The following CPPED1 variants were observed in gnomAD, a reference collection of about 807,000 sequenced individuals.
CPPED1 encodes calcineurin like phosphoesterase domain containing 1.
In CPPED1, 28 loss-of-function variants were observed where a neutral mutation model predicts 28.0. That is an observed-to-expected ratio of 1.00 (90% CI 0.74 to 1.37). The LOEUF (loss-of-function observed/expected upper bound fraction) is 1.37, where lower values mean the gene tolerates loss of function less well. CPPED1 is among the 40% of genes most tolerant of loss of function. The probability of loss-of-function intolerance (pLI) is 0.00; values close to 1 mark genes in which losing one functional copy is unlikely to be tolerated. For missense variants in CPPED1, 504 were observed against 416.5 expected, an observed-to-expected ratio of 1.21 and a Z score of -1.83; for synonymous variants, 198 against 180.2, an observed-to-expected ratio of 1.10 and a Z score of -0.79.
Position 12,760,178 on chromosome 16 carries a change from T to C in CPPED1, c.289+21007A>G, listed in dbSNP as rs1239590609. Among the ~76,000 whole-genome samples the C allele has an allele frequency of 2.6e-5, 4 of 152,316 alleles. No individual in the cohort carries two copies. In the South Asian group the frequency reaches 6.2e-4, roughly 24 times the overall value. On this transcript the variant is annotated intron_variant, in intron 2 of 3. Transcript: ENST00000381774. Reference sequence around the variant, plus strand: ...AATAAAGTGATGTGTAGCACTGTATTGGGTACAGGTAATCTATAGATGATT... The same window carrying C: ...AATAAAGTGATGTGTAGCACTGTATCGGGTACAGGTAATCTATAGATGATT...
At chr16:12,696,438 CTTTTTTT>C (rs1180336228) in intron 3 of CPPED1, among the ~76,000 whole-genome samples, 15 of 120,736 alleles carry the variant, frequency 1.2e-4, no homozygotes, top group African/African-American at 1.7e-4. Flanking sequence ...AAGTGACTTT[CTTTTTTT>C]TTTTTTTTTT....
intron 1 of CPPED1, among the ~76,000 whole-genome samples, chr16:12,793,824 T>C (rs1021468427): frequency 1.3e-5 from 2 of 152,328 alleles, no homozygotes; most frequent in South Asian, 2.1e-4. Flanking sequence ...GGTCTTAACA[T>C]CTTTTCCTTT....
chr16:12,713,887 T>C (rs760294121), intron 2 of CPPED1, among the ~76,000 whole-genome samples: 7 of 152,124 alleles, frequency 4.6e-5, no homozygotes, highest in Non-Finnish European at 8.8e-5. Flanking sequence ...TGTGGGACAT[T>C]CTCACCACCC....
chr16:12,692,221 C>T (rs1484695669), intron 3 of CPPED1, among the ~76,000 whole-genome samples: 1 of 152,090 alleles, frequency 6.6e-6, no homozygotes, highest in East Asian at 1.9e-4. Context: ...TTTTAATACC[C>T]ACTGGTGGCA....
intron 2 of CPPED1, among the ~76,000 whole-genome samples, chr16:12,762,413 A>C (rs1378812169): frequency 1.3e-5 from 2 of 152,210 alleles, no homozygotes; most frequent in African/African-American, 4.8e-5. Flanking sequence ...GAATAAAGTG[A>C]TTCAAATTAA....
At chr16:12,749,163 T>C (rs1044040823) in intron 2 of CPPED1, among the ~76,000 whole-genome samples, 1 of 152,188 alleles carries the variant, frequency 6.6e-6, no homozygotes. Context: ...GATTTCTCTG[T>C]AGCATGTAAA....
intron 2 of CPPED1, among the ~76,000 whole-genome samples, chr16:12,768,497 TAC>T (rs1242659955): frequency 1.3e-5 from 2 of 152,206 alleles, no homozygotes; most frequent in African/African-American, 4.8e-5. Flanking sequence ...TAATTAAAGG[TAC>T]AGTTTCACCA....
Position 12,662,379 on chromosome 16 carries a change from T to C in CPPED1, c.*2507A>G, listed in dbSNP as rs1458304525. 6.6e-6 allele frequency: 1 copy of C among 152,240 alleles called. No homozygotes were observed. The highest frequency in any genetic ancestry group is 1.5e-5 in the Non-Finnish European group (1 of 68,040). The allele number at this position is 152,240 out of a possible 1,614,324, so 9.4% of individuals were successfully genotyped here. On this transcript the variant is annotated 3_prime_UTR_variant, in exon 4 of 4. Transcript: ENST00000381774. ...GGTGAGAAATTAATATGATTCTCTC[T>C]TCCCTTTTAAAAAATTAAATTTGTA...
intron 3 of CPPED1, among the ~76,000 whole-genome samples, chr16:12,680,425 C>T (rs770576858): frequency 1.3e-5 from 2 of 151,980 alleles, no homozygotes; most frequent in Admixed American, 6.6e-5. Flanking sequence ...TCTAGGTTGC[C>T]GGATGATCAA....
At chr16:12,711,919 AC>A (rs566883655) in intron 2 of CPPED1, among the ~76,000 whole-genome samples, 177 of 152,204 alleles carry the variant, frequency 1.2e-3, no homozygotes, top group Non-Finnish European at 2.3e-3. Context: ...ACAGCCCCCT[AC>A]CCAGGGAAGA....
intron 1 of CPPED1, among the ~76,000 whole-genome samples, chr16:12,801,118 G>C (rs969055756): frequency 1.3e-5 from 2 of 152,116 alleles, no homozygotes; most frequent in African/African-American, 4.8e-5. Flanking sequence ...TTTTGAGCTG[G>C]AGTCTTGCTC....
chr16:12,723,246 G>A (rs745900080), intron 2 of CPPED1, among the ~76,000 whole-genome samples: 3 of 152,170 alleles, frequency 2.0e-5, no homozygotes, highest in Non-Finnish European at 4.4e-5. Context: ...CGAGCCTTAG[G>A]CAATTACAGG....
intron 3 of CPPED1, among the ~76,000 whole-genome samples, chr16:12,673,647 C>T (rs1017984926): frequency 6.6e-6 from 1 of 152,172 alleles, no homozygotes; most frequent in African/African-American, 2.4e-5. Flanking sequence ...CATGTCCTCT[C>T]CATCTGCCCC....
chr16:12,780,627 T>G (rs140118516), intron 2 of CPPED1, among the ~76,000 whole-genome samples: 209 of 151,790 alleles, frequency 1.4e-3, no homozygotes, highest in African/African-American at 4.8e-3. Flanking sequence ...ATCAGAGTGA[T>G]GGAGAGACCA....
intron 2 of CPPED1, among the ~76,000 whole-genome samples, chr16:12,764,289 C>T (rs1408740986): frequency 3.3e-5 from 5 of 151,920 alleles, no homozygotes; most frequent in Non-Finnish European, 5.9e-5. Context: ...CTGCAACCTC[C>T]ACTTCCCAAG....
chr16:12,793,287 A>C (rs2080607408), intron 1 of CPPED1, among the ~76,000 whole-genome samples: 1 of 152,214 alleles, frequency 6.6e-6, no homozygotes, highest in African/African-American at 2.4e-5. Flanking sequence ...CAGAGTGGCC[A>C]GTGGGTGGGG....
At chr16:12,719,414 A>G (rs2080126315) in intron 2 of CPPED1, among the ~76,000 whole-genome samples, 1 of 151,576 alleles carries the variant, frequency 6.6e-6, no homozygotes, top group Non-Finnish European at 1.5e-5. Flanking sequence ...AAAGAACAGT[A>G]TGGAGGAAAC....
chr16:12,713,054 G>A (rs1028899930), intron 2 of CPPED1, among the ~76,000 whole-genome samples: 1 of 151,972 alleles, frequency 6.6e-6, no homozygotes, highest in Non-Finnish European at 1.5e-5. Context: ...CTCAGAAAGA[G>A]AGAAAATGGG....
intron 2 of CPPED1, among the ~76,000 whole-genome samples, chr16:12,770,397 C>T (rs999586851): frequency 6.6e-6 from 1 of 152,216 alleles, no homozygotes; most frequent in Non-Finnish European, 1.5e-5. Context: ...TATGAAATCC[C>T]CATCCACAGA....
Sources: gnomAD v4.1 joint callset for allele counts (sites outside exome capture counted in the v4.1 genomes callset) on GRCh38, gnomAD v4.1.1 for gene constraint, MANE v1.5 for transcripts, NCBI Gene and HGNC (gene_info 2026-07-23, HGNC 2026-07-21) for gene names.